EPB41L4A: variants seen among roughly 807,000 people sequenced by gnomAD.
EPB41L4A encodes band 4.1-like protein 4A.
A neutral mutation model predicts 108.6 loss-of-function variants in EPB41L4A; 100 were observed. That is an observed-to-expected ratio of 0.92 (90% CI 0.78 to 1.09). The LOEUF is 1.09. Ranked by LOEUF, EPB41L4A falls within the 50% of genes least tolerant of loss-of-function variation. EPB41L4A has a pLI of 0.00. For missense variants in EPB41L4A, 1,030 were observed against 842.7 expected (o/e 1.22, Z -2.75); for synonymous variants, 319 against 289.0 (o/e 1.10, Z -1.05).
intron 12 of EPB41L4A, among the ~76,000 whole-genome samples, chr5:112,211,674 A>T (rs933035384): frequency 6.6e-6 from 1 of 152,114 alleles, no homozygotes; most frequent in Non-Finnish European, 1.5e-5. Flanking sequence ...ACAAGACAAG[A>T]GAAACACCTG....
rs569752585 is a variant in EPB41L4A at position 112,411,222 on chromosome 5, AG to A, written c.99+7718del. Among the ~76,000 whole-genome samples, 41 of 152,318 alleles carry A rather than the reference AG, an allele frequency of 2.7e-4. No individual in the cohort carries two copies. The East Asian group carries it at 6.7e-3, about 25-fold the overall frequency. On this transcript the variant is annotated intron_variant, in intron 1 of 22. Coordinates refer to ENST00000261486, the MANE Select transcript of EPB41L4A (RefSeq NM_022140.5). The stretch of plus-strand genomic sequence containing the variant: ...GTAAGTGATCAGAATCCAGAAAATA[AG>A]GAAGTTGGGACTACAGGTACAGATG...
At chr5:112,402,626 C>T (rs712677) in intron 1 of EPB41L4A, among the ~76,000 whole-genome samples, 2,780 of 152,252 alleles carry the variant, frequency 0.018, 85 homozygotes, top group African/African-American at 0.063. Context: ...GCACTACAGA[C>T]ATTTATCACA....
At chr5:112,315,707 C>G (rs1291498395) in intron 1 of EPB41L4A, among the ~76,000 whole-genome samples, 1 of 151,824 alleles carries the variant, frequency 6.6e-6, no homozygotes, top group Non-Finnish European at 1.5e-5. Context: ...ACACCAAAAA[C>G]TGAGGAAGCC....
At chr5:112,151,470 C>T (rs1759466125) in intron 12 of EPB41L4A, among the ~76,000 whole-genome samples, 1 of 151,578 alleles carries the variant, frequency 6.6e-6, no homozygotes, top group South Asian at 2.1e-4. Flanking sequence ...TGCAGTGGTG[C>T]AATCTTAGTT....
intron 12 of EPB41L4A, among the ~76,000 whole-genome samples, chr5:112,225,588 C>A (rs1171092581): frequency 6.6e-6 from 1 of 152,146 alleles, no homozygotes; most frequent in Non-Finnish European, 1.5e-5. Flanking sequence ...CACTGCCAAT[C>A]CCCATTCTCT....
At chr5:112,398,730 A>C (rs955212744) in intron 1 of EPB41L4A, among the ~76,000 whole-genome samples, 5 of 152,056 alleles carry the variant, frequency 3.3e-5, no homozygotes, top group Non-Finnish European at 7.4e-5. Flanking sequence ...AGGTCCTCCC[A>C]GCCTGTCTTT....
intron 4 of EPB41L4A, 119 bp downstream of exon 4, chr5:112,275,207 C>A (rs1580587238): frequency 8.1e-7 from 1 of 1,238,530 alleles, no homozygotes; most frequent in Non-Finnish European, 1.1e-6. Context: ...TAAGGAGATG[C>A]GTTACAAAAT....
At chr5:112,223,190 T>C (rs2150340893) in intron 12 of EPB41L4A, among the ~76,000 whole-genome samples, 1 of 152,224 alleles carries the variant, frequency 6.6e-6, no homozygotes, top group Admixed American at 6.5e-5. Context: ...TCTGCCCGCC[T>C]TGGCCTCCCA....
chr5:112,403,096 T>G (rs543010680), intron 1 of EPB41L4A, among the ~76,000 whole-genome samples: 3 of 152,154 alleles, frequency 2.0e-5, no homozygotes, highest in African/African-American at 7.2e-5. Flanking sequence ...GCCTCTAGTT[T>G]TTTCACCCCC....
At chr5:112,280,361 T>C (rs1271231695) in intron 2 of EPB41L4A, 38 bp from the exon 3 acceptor site, 2 of 1,570,832 alleles carry the variant, frequency 1.3e-6, no homozygotes, top group South Asian at 2.2e-5. Flanking sequence ...AGAAATTAGT[T>C]GCTTTTCATT....
chr5:112,253,940 A>T (rs1424401743), intron 9 of EPB41L4A, among the ~76,000 whole-genome samples: 1 of 152,154 alleles, frequency 6.6e-6, no homozygotes, highest in Non-Finnish European at 1.5e-5. Flanking sequence ...CTTGTTGACA[A>T]ACAGTGATGA....
intron 1 of EPB41L4A, among the ~76,000 whole-genome samples, chr5:112,339,486 A>ATCTATATCTATATATATATCTATATC (rs34517978): frequency 1.4e-5 from 1 of 72,674 alleles, no homozygotes; most frequent in African/African-American, 4.8e-5. Flanking sequence ...ATATATATAT[A>ATCTATATCTATATATATATCTATATC]TATATATATC....
At chr5:112,266,354 A>AT in intron 4 of EPB41L4A, 24 bp from the exon 5 acceptor site, 1 of 1,510,958 alleles carries the variant, frequency 6.6e-7, no homozygotes, top group East Asian at 2.3e-5. Flanking sequence ...AAAAAGAGAG[A>AT]TTAACGATCT....
At chr5:112,324,491 G>A (rs1216567705) in intron 1 of EPB41L4A, among the ~76,000 whole-genome samples, 3 of 151,998 alleles carry the variant, frequency 2.0e-5, no homozygotes, top group Non-Finnish European at 2.9e-5. Context: ...TTTGGAGGCC[G>A]AGGCGGGCAG....
Position 112,218,692 on chromosome 5 carries a change from G to C in EPB41L4A, c.1088-8710C>G, listed in dbSNP as rs183208254. ...ATGCAAATATAAACTAAGCATACCT[G>C]TATATCAAGATTGTTTTTAAAATGC... On this transcript the variant is annotated intron_variant, in intron 12 of 22. Transcript: ENST00000261486. 1.3e-4 allele frequency among the ~76,000 whole-genome samples: 20 copies of C among 152,312 alleles called. 1 individual carries two copies. The East Asian group carries it at 3.3e-3, about 25-fold the overall frequency.
chr5:112,232,429 T>G (rs1231967367), intron 12 of EPB41L4A, among the ~76,000 whole-genome samples: 1 of 152,190 alleles, frequency 6.6e-6, no homozygotes, highest in Non-Finnish European at 1.5e-5. Context: ...ATAATAGTGA[T>G]GTGGCAAGGT....
At chr5:112,150,745 T>G (rs1759433444) in intron 12 of EPB41L4A, among the ~76,000 whole-genome samples, 1 of 152,262 alleles carries the variant, frequency 6.6e-6, no homozygotes, top group Non-Finnish European at 1.5e-5. Context: ...CCATAAAATG[T>G]AAGGCATATT....
intron 1 of EPB41L4A, among the ~76,000 whole-genome samples, chr5:112,407,881 T>C (rs1286458817): frequency 1.3e-5 from 2 of 152,214 alleles, no homozygotes; most frequent in African/African-American, 2.4e-5. Flanking sequence ...CTGGCATTCT[T>C]TTAGGTTCTT....
At chr5:112,292,996 G>A (rs1753746243) in intron 2 of EPB41L4A, among the ~76,000 whole-genome samples, 1 of 152,094 alleles carries the variant, frequency 6.6e-6, no homozygotes, top group East Asian at 1.9e-4. Context: ...ATATAACTAA[G>A]AAGGTATGGG....
Sources: gnomAD v4.1 joint callset for allele counts (sites outside exome capture counted in the v4.1 genomes callset) on GRCh38, gnomAD v4.1.1 for gene constraint, MANE v1.5 for transcripts, NCBI Gene and HGNC (gene_info 2026-07-23, HGNC 2026-07-21) for gene names.